The following ABAT variants were observed in gnomAD, a reference collection of about 807,000 sequenced individuals.
ABAT encodes 4-aminobutyrate aminotransferase, mitochondrial.
In ABAT, 45 loss-of-function variants were observed where a neutral mutation model predicts 64.6. That is an observed-to-expected ratio of 0.70 (90% CI 0.55 to 0.89). ABAT has a LOEUF of 0.89. Ranked by LOEUF, ABAT falls within the 40% of genes least tolerant of loss-of-function variation. The pLI is 0.00. For synonymous variants in ABAT, 297 were observed against 250.5 expected (o/e 1.19, Z -1.75); for missense variants, 633 against 658.4 (o/e 0.96, Z 0.42).
chr16:8,766,270 G>T lies in ABAT; in HGVS notation c.603G>T (p.Gln201His), dbSNP rs1409505977. 6.2e-7 allele frequency: 1 copy of T among 1,613,822 alleles called. No individual in the cohort carries two copies. The highest frequency in any genetic ancestry group is 8.5e-7 in the Non-Finnish European group (1 of 1,179,890). The change falls in exon 9 of 16, where the codon CAG (glutamine) becomes CAT (histidine). Residue 201 changes from glutamine to histidine, a missense_variant and splice_region_variant. Gln to His is a conservative substitution (Grantham distance 24). Transcript: ENST00000268251. ...QEELETCMINQAPGCPDYSIL... is the reference protein window; with the variant it reads ...QEELETCMINHAPGCPDYSIL... ...AGCTGGAGACGTGCATGATTAACCA[G>T]GTGAGTGCAGCTGGGCTTGCACCAC...
chr16:8,717,971 T>C (rs2058260299), intron 1 of ABAT, among the ~76,000 whole-genome samples: 1 of 152,056 alleles, frequency 6.6e-6, no homozygotes, highest in Non-Finnish European at 1.5e-5. Flanking sequence ...GAGGTGAGCT[T>C]GGGCATGTTA....
chr16:8,717,888 C>T (rs570868030), intron 1 of ABAT, among the ~76,000 whole-genome samples: 1 of 151,978 alleles, frequency 6.6e-6, no homozygotes, highest in Admixed American at 6.6e-5. Flanking sequence ...CTCCTGGGCT[C>T]AAGCGATCCT....
At position 8,754,211 on chromosome 16, in the gene ABAT, C is replaced by T. The variant is rs1394817389; in HGVS notation, c.317-3546C>T. 2.1e-4 allele frequency among the ~76,000 whole-genome samples: 10 copies of T among 47,056 alleles called. 1 individual carries two copies. Among genetic ancestry groups the T allele is most frequent in the African/African-American group, 4.9e-4 (9 of 18,366 alleles). The allele number at this position is 47,056 out of a possible 152,430, so 30.9% of individuals were successfully genotyped here. A position where few individuals can be genotyped will look rare whatever the true frequency, so the allele number is the denominator to read the frequency against. ...AAAAAAAAAAAAAAAAAAAATTAGCCGGGCATGGTGGTGCATACCTGTAAT... is the reference window on the plus strand; with the variant it reads ...AAAAAAAAAAAAAAAAAAAATTAGCTGGGCATGGTGGTGCATACCTGTAAT... On this transcript the variant is annotated intron_variant, in intron 5 of 15. Transcript: ENST00000268251.
chr16:8,753,331 G>A (rs914596841), intron 5 of ABAT, among the ~76,000 whole-genome samples: 7 of 152,032 alleles, frequency 4.6e-5, no homozygotes, highest in African/African-American at 7.2e-5. Flanking sequence ...TTCTGACCTC[G>A]TGATCCACCC....
In ABAT at chr16:8,750,491, G is replaced by A. The variant is rs765307760; in HGVS notation, c.268G>A (p.Gly90Ser). ...SRGNYLVDVD[G>S]NRMLDLYSQI... is the part of the protein sequence containing the mutation. ...AGGCAATTACCTGGTTGATGTGGAC[G>A]GCAACCGAATGCTGGATCTTTATTC... is the stretch of plus-strand genomic sequence containing the variant. The change falls in exon 5 of 16, where the codon GGC (glycine) becomes AGC (serine). Residue 90 changes from glycine to serine, a missense_variant. By Grantham distance (56) the Gly-to-Ser change is moderately conservative (BLOSUM62 0). Transcript: ENST00000268251. 38 of 1,614,116 alleles carry A rather than the reference G, an allele frequency of 2.4e-5. No homozygotes were observed. The highest frequency in any genetic ancestry group is 5.3e-5 in the African/African-American group (4 of 75,034).
chr16:8,755,902 A>G (rs1053402830), intron 5 of ABAT, among the ~76,000 whole-genome samples: 3 of 152,184 alleles, frequency 2.0e-5, no homozygotes, highest in African/African-American at 7.2e-5. Flanking sequence ...ACAAAAAATT[A>G]GCCAGGCGTG....
In ABAT at chr16:8,764,174, T is replaced by G; in HGVS notation, c.447+25T>G. The stretch of plus-strand genomic sequence containing the variant: ...GGTGAGTTCTGGAGAAGCAATCCCA[T>G]TGTCTTCAGACGTGGTACTGGCAGG... On this transcript the variant is annotated intron_variant, in intron 7 of 15. Transcript: ENST00000268251. This position sits in a 1 kb window ranked among gnomAD's most constrained non-coding sequence, Gnocchi z 4.2. 1 of 1,597,438 alleles carries G rather than the reference T, an allele frequency of 6.3e-7. No individual in the cohort carries two copies. The highest frequency in any genetic ancestry group is 8.6e-7 in the Non-Finnish European group (1 of 1,166,316).
At chr16:8,779,623 G>A in intron 15 of ABAT, 33 bp downstream of exon 15, 2 of 1,564,490 alleles carry the variant, frequency 1.3e-6, no homozygotes, top group Non-Finnish European at 1.8e-6. Flanking sequence ...TGAGTTTCAT[G>A]AGCATCCAGT....
At position 8,766,214 on chromosome 16, in the gene ABAT, G is replaced by A; in HGVS notation, c.547G>A (p.Glu183Lys). ...KTIFMWYRSK[E>K]RGQRGFSQEE... Reference sequence around the variant, plus strand: ...TTCTGTTCTATTGTTTCAGAGCAAGGAAAGAGGGCAGAGGGGCTTCTCCCA... The same window carrying A: ...TTCTGTTCTATTGTTTCAGAGCAAGAAAAGAGGGCAGAGGGGCTTCTCCCA... The change falls in exon 9 of 16, where the codon GAA (glutamate) becomes AAA (lysine). Residue 183 changes from glutamate to lysine, a missense_variant. Glu to Lys is a moderately conservative substitution (Grantham distance 56). Transcript: ENST00000268251. 1 of 1,614,030 alleles carries A rather than the reference G, an allele frequency of 6.2e-7. No individual in the cohort carries two copies. The highest frequency in any genetic ancestry group is 8.5e-7 in the Non-Finnish European group (1 of 1,179,932).
At chr16:8,754,963 C>A (rs984345553) in intron 5 of ABAT, among the ~76,000 whole-genome samples, 1 of 152,088 alleles carries the variant, frequency 6.6e-6, no homozygotes, top group Non-Finnish European at 1.5e-5. Flanking sequence ...AAGTGACCCA[C>A]CTGCCTCGGC....
Position 8,764,905 on chromosome 16 carries a change from A to G in ABAT, c.540+75A>G, listed in dbSNP as rs2059900456. ...CAGCCACACGCTCACCCCTTGTCTG[A>G]CTGTTCATTCCAATGGGCTGGAGTA... On this transcript the variant is annotated intron_variant, in intron 8 of 15. Transcript: ENST00000268251. This position sits in a 1 kb window ranked among gnomAD's most constrained non-coding sequence, Gnocchi z 4.2. 1.5e-6 allele frequency: 2 copies of G among 1,336,310 alleles called. No individual in the cohort carries two copies. The highest frequency in any genetic ancestry group is 3.4e-5 in the Admixed American group (2 of 58,876). 82.8% of individuals were successfully genotyped at this position (1,336,310 alleles called of 1,614,324 possible).
At chr16:8,708,480 G>A (rs1032597999) in intron 1 of ABAT, among the ~76,000 whole-genome samples, 26 of 151,694 alleles carry the variant, frequency 1.7e-4, no homozygotes, top group Non-Finnish European at 2.9e-5. Context: ...GTGGCTCGGG[G>A]GCAGGGTTGT....
intron 1 of ABAT, chr16:8,722,768 T>TG (rs1452115893): frequency 1.6e-6 from 2 of 1,272,946 alleles, no homozygotes; most frequent in Admixed American, 4.6e-5. Context: ...TTTCCCCAGA[T>TG]GCGCCCATCC....
chr16:8,700,001 T>C (rs1436825863), intron 1 of ABAT, among the ~76,000 whole-genome samples: 2 of 152,028 alleles, frequency 1.3e-5, no homozygotes, highest in Admixed American at 1.3e-4. Flanking sequence ...TTGTAATTTT[T>C]GTAGAGACTG....
At chr16:8,773,479 G>C (rs1175566245) in intron 12 of ABAT, among the ~76,000 whole-genome samples, 4 of 152,076 alleles carry the variant, frequency 2.6e-5, no homozygotes, top group Non-Finnish European at 4.4e-5. Context: ...AACCTTTTTG[G>C]ATACATAATA....
chr16:8,776,542 G>A lies in ABAT; in HGVS notation c.1269+52G>A. ...CCACCACCCATGGCTCCCCGCAGCA[G>A]CCTCCGGGGCAACACTGGAGCTCTT... On this transcript the variant is annotated intron_variant, in intron 14 of 15. Transcript: ENST00000268251. This position sits in a 1 kb window ranked among gnomAD's most constrained non-coding sequence, Gnocchi z 4.4. 1 of 1,507,280 alleles carries A rather than the reference G, an allele frequency of 6.6e-7. No homozygotes were observed. Among genetic ancestry groups the A allele is most frequent in the Non-Finnish European group, 9.0e-7 (1 of 1,114,522 alleles). The allele number at this position is 1,507,280 out of a possible 1,614,324, so 93.4% of individuals were successfully genotyped here.
intron 1 of ABAT, chr16:8,722,863 A>C (rs1299386806): frequency 7.8e-7 from 1 of 1,289,104 alleles, no homozygotes; most frequent in East Asian, 5.5e-5. Flanking sequence ...GGCTTGGGGA[A>C]AATGCTGTGG....
At chr16:8,706,321 A>G (rs566416385) in intron 1 of ABAT, among the ~76,000 whole-genome samples, 1 of 149,110 alleles carries the variant, frequency 6.7e-6, no homozygotes, top group South Asian at 2.1e-4. Context: ...TGGGAGGATC[A>G]CCTGAGCCCT....
chr16:8,682,567 C>T (rs2057360459), intron 1 of ABAT, among the ~76,000 whole-genome samples: 1 of 151,486 alleles, frequency 6.6e-6, no homozygotes, highest in South Asian at 2.1e-4. Context: ...ATGCTCCCAA[C>T]TCTATTTCCA....
Sources: allele counts gnomAD v4.1 joint callset (sites outside exome capture counted in the v4.1 genomes callset), GRCh38; gene constraint gnomAD v4.1.1; non-coding constraint Gnocchi (gnomAD v3.1); transcripts MANE v1.5; gene names NCBI Gene and HGNC (gene_info 2026-07-23, HGNC 2026-07-21).